TTC6: variants seen among roughly 807,000 people sequenced by gnomAD.
The protein encoded by TTC6 is tetratricopeptide repeat domain 6, also known as tetratricopeptide repeat protein 6.
Under a neutral mutation model 210.4 loss-of-function variants are expected in TTC6, and 172 were observed. That is an observed-to-expected ratio of 0.82 (90% CI 0.72 to 0.93). TTC6 has a LOEUF of 0.93. Among genes scored for constraint, TTC6 ranks in the 40% least tolerant of loss-of-function variants. TTC6 has a pLI of 0.00. For missense variants in TTC6, 2,414 were observed against 2,318.1 expected (o/e 1.04, Z -0.85); for synonymous variants, 804 against 819.6 (o/e 0.98, Z 0.32).
intron 14 of TTC6, among the ~76,000 whole-genome samples, chr14:37,756,663 A>G (rs185581083): frequency 8.8e-4 from 134 of 152,288 alleles, no homozygotes; most frequent in African/African-American, 3.2e-3. Context: ...TTGTTTGCGT[A>G]TGTTGAACCA....
intron 7 of TTC6, among the ~76,000 whole-genome samples, chr14:37,733,322 T>C (rs1410578788): frequency 2.6e-5 from 4 of 152,184 alleles, no homozygotes; most frequent in Admixed American, 6.5e-5. Context: ...TTCTTTTTTT[T>C]CCTCGCATGT....
At chr14:37,682,516 A>G (rs1339166689) in intron 2 of TTC6, among the ~76,000 whole-genome samples, 1 of 152,174 alleles carries the variant, frequency 6.6e-6, no homozygotes, top group Non-Finnish European at 1.5e-5. Flanking sequence ...ACCCTTAACA[A>G]CTGTGGGGTG....
At chr14:37,623,524 A>G (rs2095655185) in intron 1 of TTC6, among the ~76,000 whole-genome samples, 1 of 152,228 alleles carries the variant, frequency 6.6e-6, no homozygotes, top group African/African-American at 2.4e-5. Context: ...CTTCCCAATC[A>G]TAGAGATTTG....
intron 19 of TTC6, 130 bp from the exon 22 acceptor site, chr14:37,796,657 T>G: frequency 1.2e-6 from 1 of 862,234 alleles, no homozygotes; most frequent in Non-Finnish European, 1.7e-6. Context: ...TATGATTTGT[T>G]AATTTTATAA....
In TTC6 at chr14:37,622,167, C is replaced by T; in HGVS notation, c.103C>T (p.Arg35Ter). 2 of 1,535,494 alleles carry T rather than the reference C, an allele frequency of 1.3e-6. No individual in the cohort carries two copies. Among genetic ancestry groups the T allele is most frequent in the Non-Finnish European group, 1.7e-6 (2 of 1,146,674 alleles). The change falls in exon 1 of 31, where the codon CGA becomes TGA. Residue 35 changes from arginine to a stop codon, truncating the protein, a stop_gained. Coordinates refer to ENST00000553443, the Ensembl canonical transcript of TTC6. LOFTEE classifies it high-confidence loss of function. ...GCAGGAAACTAAAAAGGATTTTCTCCGATTCAAGCAGAAGTTGGCCTCCAA... is the reference window on the plus strand; with the variant it reads ...GCAGGAAACTAAAAAGGATTTTCTCTGATTCAAGCAGAAGTTGGCCTCCAA...
At chr14:37,613,834 G>T (rs2095638422) in intron 2 of TTC6, among the ~76,000 whole-genome samples, 1 of 151,634 alleles carries the variant, frequency 6.6e-6, no homozygotes, top group Admixed American at 6.6e-5. Context: ...CCTGATATTG[G>T]TGATTTTCGT....
At chr14:37,700,936 G>C (rs576621217) in intron 4 of TTC6, among the ~76,000 whole-genome samples, 2 of 152,124 alleles carry the variant, frequency 1.3e-5, no homozygotes, top group South Asian at 4.1e-4. Flanking sequence ...CTTCTTTAGG[G>C]ACATTAGCAT....
intron 3 of TTC6, among the ~76,000 whole-genome samples, chr14:37,690,629 AAAAG>A (rs1239492416): frequency 6.6e-6 from 1 of 152,162 alleles, no homozygotes; most frequent in Non-Finnish European, 1.5e-5. Flanking sequence ...TAAGAAGAGA[AAAAG>A]AAGGTCACTA....
In TTC6 at chr14:37,680,146, T is replaced by G. The variant is rs1202748257; in HGVS notation, c.940-5T>G. On this transcript the variant is annotated splice_polypyrimidine_tract_variant and splice_region_variant and intron_variant, in intron 1 of 30. Transcript: ENST00000553443. ...GCATCACTTTGTTTCCTTTTCTCAT[T>G]CAAGGATATTTCTTTAATGGGAAAA... The G allele has an allele frequency of 2.0e-6, 3 of 1,505,364 alleles. No individual in the cohort carries two copies. In the African/African-American group the frequency reaches 4.2e-5, roughly 21 times the overall value. 93.3% of individuals were successfully genotyped at this position (1,505,364 alleles called of 1,614,324 possible).
chr14:37,646,397 T>C (rs758574163), intron 1 of TTC6, among the ~76,000 whole-genome samples: 4 of 151,706 alleles, frequency 2.6e-5, no homozygotes, highest in African/African-American at 4.8e-5. Flanking sequence ...TCAGAACATA[T>C]TCAGTTTCTG....
At chr14:37,657,724 C>T (rs1029305975) in intron 1 of TTC6, among the ~76,000 whole-genome samples, 2 of 152,014 alleles carry the variant, frequency 1.3e-5, no homozygotes, top group Non-Finnish European at 2.9e-5. Flanking sequence ...ATTCTTAGGC[C>T]TAAATTCTAA....
chr14:37,716,729 T>C (rs2095853366), intron 6 of TTC6, among the ~76,000 whole-genome samples: 1 of 152,122 alleles, frequency 6.6e-6, no homozygotes. Context: ...TCCACAATTA[T>C]AGTTGGAGAG....
chr14:37,804,816 T>C lies in TTC6; in HGVS notation c.4164+2T>C. ...ATGGAGGAAGGCAATTTACAAATGG[T>C]ATTTCGTGTATTTAGGAGTATAGAT... On this transcript the variant is annotated splice_donor_variant, in intron 21 of 30. Coordinates refer to ENST00000553443, the Ensembl canonical transcript of TTC6. LOFTEE classifies it high-confidence loss of function. The C allele has an allele frequency of 6.2e-7, 1 of 1,613,106 alleles. No individual in the cohort carries two copies. Among genetic ancestry groups the C allele is most frequent in the South Asian group, 1.1e-5 (1 of 90,892 alleles).
chr14:37,702,854 T>C (rs1028747062), intron 5 of TTC6, among the ~76,000 whole-genome samples: 1 of 152,220 alleles, frequency 6.6e-6, no homozygotes, highest in African/African-American at 2.4e-5. Flanking sequence ...AATTGGTTTC[T>C]ATTTGAATCC....
exon 13 of TTC6, chr14:37,751,055 G>C: frequency 6.6e-7 from 1 of 1,514,628 alleles, no homozygotes; most frequent in Non-Finnish European, 8.8e-7. Flanking sequence ...TTCTTTAGAG[G>C]CATATTTGTC....
intron 3 of TTC6, among the ~76,000 whole-genome samples, chr14:37,687,343 G>C (rs900298208): frequency 6.6e-6 from 1 of 152,144 alleles, no homozygotes; most frequent in African/African-American, 2.4e-5. Flanking sequence ...TTTCTTAAAA[G>C]CCTTGCCACC....
intron 2 of TTC6, among the ~76,000 whole-genome samples, chr14:37,682,047 A>G (rs1362003629): frequency 2.6e-5 from 4 of 152,020 alleles, no homozygotes; most frequent in South Asian, 2.1e-4. Flanking sequence ...TGAAGGAACT[A>G]CAACCTGGAA....
intron 29 of TTC6, among the ~76,000 whole-genome samples, chr14:37,840,976 C>G (rs2139060310): frequency 6.6e-6 from 1 of 151,866 alleles, no homozygotes; most frequent in Middle Eastern, 3.4e-3. Flanking sequence ...TCAAGCAGTT[C>G]TCCTGCCTCA....
intron 1 of TTC6, among the ~76,000 whole-genome samples, chr14:37,668,203 A>T (rs940874232): frequency 1.3e-5 from 2 of 150,436 alleles, no homozygotes; most frequent in Non-Finnish European, 3.0e-5. Flanking sequence ...CGTAGATAGC[A>T]TAGAGGGTTC....
Sources: allele counts gnomAD v4.1 joint callset (sites outside exome capture counted in the v4.1 genomes callset), GRCh38; gene constraint gnomAD v4.1.1; transcripts MANE v1.5; gene names NCBI Gene and HGNC (gene_info 2026-07-23, HGNC 2026-07-21).